Variants in GPD2 observed in about 807,000 individuals in gnomAD.
The protein encoded by GPD2 is glycerol-3-phosphate dehydrogenase 2, also known as glycerol-3-phosphate dehydrogenase, mitochondrial.
GPD2 carries 54 observed loss-of-function variants against 82.4 expected under a neutral mutation model. The observed-to-expected ratio is 0.66, with a 90% CI of 0.53 to 0.82. GPD2 has a LOEUF of 0.82. GPD2 is among the 40% of genes least tolerant of loss of function. The probability of loss-of-function intolerance (pLI) is 0.00; values close to 1 mark genes in which losing one functional copy is unlikely to be tolerated. For synonymous variants in GPD2, 288 were observed against 306.1 expected, an observed-to-expected ratio of 0.94 and a Z score of 0.62; for missense variants, 748 against 896.2, an observed-to-expected ratio of 0.83 and a Z score of 2.11.
intron 6 of GPD2, among the ~76,000 whole-genome samples, chr2:156,545,580 A>G (rs928526277): frequency 3.9e-5 from 6 of 152,224 alleles, no homozygotes; most frequent in African/African-American, 1.2e-4. Context: ...TAGAGTTTCT[A>G]TACTGGCAGG....
chr2:156,431,886 T>TC (rs1688320736), upstream of GPD2, among the ~76,000 whole-genome samples: 1 of 3,556 alleles, frequency 2.8e-4, no homozygotes, highest in Non-Finnish European at 9.1e-3. Flanking sequence ...CTGTGAAATC[T>TC]TTTTTTTTTT....
the GPD2 span, among the ~76,000 whole-genome samples, chr2:156,404,653 C>T: frequency 8.7e-5 from 11 of 126,352 alleles, no homozygotes; most frequent in African/African-American, 1.2e-4. Context: ...CCAGCCTGGC[C>T]AATGTGTGAA....
At chr2:156,464,360 T>C (rs1157196725) in intron 1 of GPD2, among the ~76,000 whole-genome samples, 1 of 152,210 alleles carries the variant, frequency 6.6e-6, no homozygotes, top group East Asian at 1.9e-4. Flanking sequence ...CTTTTTCATA[T>C]ATGCATTGTA....
chr2:156,467,222 G>A (rs1573898121), intron 1 of GPD2, among the ~76,000 whole-genome samples: 2 of 152,156 alleles, frequency 1.3e-5, no homozygotes, highest in South Asian at 4.1e-4. Flanking sequence ...TGGATTGGAA[G>A]TGAAAGAACC....
At chr2:156,512,104 C>T in intron 4 of GPD2, 116 bp from the exon 5 acceptor site, 1 of 727,532 alleles carries the variant, frequency 1.4e-6, no homozygotes. Flanking sequence ...GGGAGCTATC[C>T]TCACTCAGAG....
At position 156,579,707 on chromosome 2, in the gene GPD2, G is replaced by T; in HGVS notation, c.1977G>T (p.Met659Ile). 1.4e-6 allele frequency: 2 copies of T among 1,458,810 alleles called. No individual in the cohort carries two copies. The highest frequency in any genetic ancestry group is 2.3e-5 in the South Asian group (2 of 87,888). The allele number at this position is 1,458,810 out of a possible 1,614,324, so 90.4% of individuals were successfully genotyped here. A position where few individuals can be genotyped will look rare whatever the true frequency, so the allele number is the denominator to read the frequency against. Reference sequence around the variant, plus strand: ...TTACTTAGAGTATCAATGTCCAAATGGATGAAAATACACTCCATGAAATTC... The same window carrying T: ...TTACTTAGAGTATCAATGTCCAAATTGATGAAAATACACTCCATGAAATTC... ...QRVLESINVQMDENTLHEILN... is the reference protein window; with the variant it reads ...QRVLESINVQIDENTLHEILN... Residue 659 changes from methionine to isoleucine, a missense_variant, in exon 16 of 17, where the codon ATG (methionine) becomes ATT (isoleucine). This residue lies in a region of GPD2 where 10 missense variants were observed against 37.4 expected (regional missense o/e 0.27). Transcript: ENST00000438166.
chr2:156,539,245 A>G (rs1686208298), intron 6 of GPD2, among the ~76,000 whole-genome samples: 1 of 152,220 alleles, frequency 6.6e-6, no homozygotes, highest in Admixed American at 6.5e-5. Context: ...TGATTATTTC[A>G]GCGGTTCTAG....
At chr2:156,495,988 A>G in intron 2 of GPD2, 56 bp from the exon 3 acceptor site, 1 of 1,344,816 alleles carries the variant, frequency 7.4e-7, no homozygotes, top group South Asian at 1.2e-5. Flanking sequence ...ATATTGTAAA[A>G]TTTGTTAAAT....
At chr2:156,447,865 T>G (rs182310080) in intron 1 of GPD2, among the ~76,000 whole-genome samples, 1 of 152,316 alleles carries the variant, frequency 6.6e-6, no homozygotes, top group East Asian at 1.9e-4. Context: ...GTTGATGCTT[T>G]TTCAACAAGT....
chr2:156,560,922 A>G (rs1687142951), intron 9 of GPD2, among the ~76,000 whole-genome samples: 1 of 152,000 alleles, frequency 6.6e-6, no homozygotes, highest in African/African-American at 2.4e-5. Context: ...CTTATGTGAG[A>G]CACTGCTAAG....
chr2:156,520,731 C>T (rs1189260701), intron 6 of GPD2, among the ~76,000 whole-genome samples: 2 of 151,876 alleles, frequency 1.3e-5, no homozygotes, highest in Admixed American at 6.6e-5. Flanking sequence ...ATTACAGGCA[C>T]GTGCCACCAT....
the GPD2 span, among the ~76,000 whole-genome samples, chr2:156,426,063 A>G: frequency 1.3e-5 from 2 of 151,782 alleles, no homozygotes; most frequent in South Asian, 4.2e-4. Context: ...AGCTGGGACT[A>G]CAGGCGCCCA....
intron 3 of GPD2, among the ~76,000 whole-genome samples, chr2:156,503,809 A>G (rs1053827117): frequency 6.6e-5 from 10 of 152,186 alleles, no homozygotes; most frequent in African/African-American, 2.4e-4. Flanking sequence ...GTAACTAGGA[A>G]ACCAGGAGGC....
intron 6 of GPD2, among the ~76,000 whole-genome samples, chr2:156,523,235 T>C (rs1389624674): frequency 6.6e-6 from 1 of 152,186 alleles, no homozygotes; most frequent in Non-Finnish European, 1.5e-5. Flanking sequence ...TCCTCTGTGC[T>C]CTGCCTAGTC....
At chr2:156,465,358 TTTC>T (rs1226919026) in intron 1 of GPD2, among the ~76,000 whole-genome samples, 6 of 18,274 alleles carry the variant, frequency 3.3e-4, no homozygotes, top group Non-Finnish European at 1.7e-3. Context: ...TCTTTCTTTC[TTTC>T]TTTTTTTTTT....
intron 1 of GPD2, among the ~76,000 whole-genome samples, chr2:156,442,519 G>T (rs1394742373): frequency 1.3e-5 from 2 of 152,218 alleles, no homozygotes; most frequent in Non-Finnish European, 2.9e-5. Flanking sequence ...CTGAATAAAA[G>T]AAAGGATATT....
the GPD2 span, among the ~76,000 whole-genome samples, chr2:156,428,482 T>C: frequency 6.6e-6 from 1 of 152,182 alleles, no homozygotes; most frequent in Non-Finnish European, 1.5e-5. Context: ...TGAAAGATAT[T>C]TTTTAGAATA....
At chr2:156,545,949 G>A (rs1272528958) in intron 6 of GPD2, among the ~76,000 whole-genome samples, 4 of 152,088 alleles carry the variant, frequency 2.6e-5, no homozygotes, top group Non-Finnish European at 5.9e-5. Flanking sequence ...CTCTTATTCT[G>A]CTCTGTGCAA....
At chr2:156,557,779 A>T (rs1186064259) in intron 9 of GPD2, among the ~76,000 whole-genome samples, 197 bp downstream of exon 9, 2 of 152,144 alleles carry the variant, frequency 1.3e-5, no homozygotes, top group Non-Finnish European at 2.9e-5. Flanking sequence ...TTCTATACCC[A>T]CATGAAACTT....
Sources: gnomAD v4.1 joint callset for allele counts (sites outside exome capture counted in the v4.1 genomes callset) on GRCh38, gnomAD v4.1.1 for gene constraint, gnomAD v4.1.1 regional missense constraint, MANE v1.5 for transcripts, NCBI Gene and HGNC (gene_info 2026-07-23, HGNC 2026-07-21) for gene names.